Variants in CTNND2 observed in about 807,000 individuals in gnomAD.
CTNND2 encodes catenin delta 2, also known as catenin delta-2.
Under a neutral mutation model 144.4 loss-of-function variants are expected in CTNND2, and 22 were observed. The observed-to-expected ratio is 0.15, with a 90% CI of 0.11 to 0.22. The LOEUF is 0.22. Ranked by LOEUF, CTNND2 falls within the 10% of genes least tolerant of loss-of-function variation. The pLI, the probability that CTNND2 is intolerant of heterozygous loss-of-function variation, is 1.00. For synonymous variants in CTNND2, 751 were observed against 695.6 expected (o/e 1.08, Z -1.25); for missense variants, 1,353 against 1,618.8 (o/e 0.84, Z 2.82).
At chr5:11,551,069 C>T (rs762317152) in intron 3 of CTNND2, among the ~76,000 whole-genome samples, 2 of 152,268 alleles carry the variant, frequency 1.3e-5, no homozygotes, top group Non-Finnish European at 2.9e-5. Context: ...AGCAGCCTCC[C>T]TGGGCTTCCA....
intron 8 of CTNND2, among the ~76,000 whole-genome samples, chr5:11,349,082 C>T (rs1755083118): frequency 6.6e-6 from 1 of 152,076 alleles, no homozygotes; most frequent in African/African-American, 2.4e-5. Context: ...ACCGAGCTCT[C>T]CAAGCTCCAG....
At chr5:11,131,312 A>C (rs1017373677) in intron 12 of CTNND2, among the ~76,000 whole-genome samples, 4 of 152,318 alleles carry the variant, frequency 2.6e-5, no homozygotes, top group African/African-American at 9.6e-5. Flanking sequence ...AATAATGAGC[A>C]ATACCAATGT....
At chr5:11,110,531 A>G (rs1481230047) in intron 14 of CTNND2, among the ~76,000 whole-genome samples, 4 of 152,174 alleles carry the variant, frequency 2.6e-5, no homozygotes, top group Non-Finnish European at 1.5e-5. Flanking sequence ...GGATGGCATC[A>G]AATCCAGCTC....
intron 2 of CTNND2, among the ~76,000 whole-genome samples, chr5:11,567,559 G>A (rs933463525): frequency 2.6e-5 from 4 of 151,590 alleles, no homozygotes; most frequent in South Asian, 2.1e-4. Flanking sequence ...TGTTTAATTT[G>A]GGTAGTTTCT....
rs142866396 is a variant in CTNND2, at chr5:10,992,572, C to T, written c.3190G>A (p.Val1064Met). ...SRTPSISPVR[V>M]SPNNRSASAP... Reference sequence around the variant, plus strand: ...TTACCTGAGCGGTTGTTGGGAGACACGCGCACAGGGGAGATGGAGGGCGTG... The same window carrying T: ...TTACCTGAGCGGTTGTTGGGAGACATGCGCACAGGGGAGATGGAGGGCGTG... Residue 1064 changes from valine (V) to methionine (M), a missense_variant, in exon 19 of 22, where the codon GTG (valine) becomes ATG (methionine). Val to Met is a conservative substitution (Grantham distance 21, BLOSUM62 1). Around this residue, in one of 4 missense-constraint regions of CTNND2, gnomAD observed 459 missense variants for 674.3 expected, o/e 0.68. Coordinates refer to ENST00000304623, the MANE Select transcript of CTNND2 (RefSeq NM_001332.4). 83 of 1,614,020 alleles carry T rather than the reference C, an allele frequency of 5.1e-5. No individual in the cohort carries two copies. In the East Asian group the frequency reaches 1.7e-3, roughly 33 times the overall value.
chr5:11,763,067 G>T (rs1030666633), intron 1 of CTNND2, among the ~76,000 whole-genome samples: 1 of 152,060 alleles, frequency 6.6e-6, no homozygotes, highest in Non-Finnish European at 1.5e-5. Flanking sequence ...GTTCTCATGA[G>T]ACCTGGTTGT....
rs1561136061 is a variant in CTNND2, at chr5:10,992,575, G to A, written c.3187C>T (p.Arg1063Cys). 1 of 1,614,060 alleles carries A rather than the reference G, an allele frequency of 6.2e-7. No individual in the cohort carries two copies. The highest frequency in any genetic ancestry group is 8.5e-7 in the Non-Finnish European group (1 of 1,180,020). The change falls in exon 19 of 22, where the codon CGC (arginine) becomes TGC (cysteine). Residue 1063 changes from arginine (R) to cysteine (C), a missense_variant. Physicochemically the swap from Arg to Cys is radical, Grantham distance 180. Coordinates refer to ENST00000304623, the MANE Select transcript of CTNND2 (RefSeq NM_001332.4). ...CCTGAGCGGTTGTTGGGAGACACGC[G>A]CACAGGGGAGATGGAGGGCGTGCGG... ...SSRTPSISPV[R>C]VSPNNRSASA... is the part of the protein sequence containing the mutation.
chr5:11,207,480 C>A (rs1738172449), intron 10 of CTNND2, among the ~76,000 whole-genome samples: 1 of 151,816 alleles, frequency 6.6e-6, no homozygotes, highest in African/African-American at 2.4e-5. Flanking sequence ...AACAAATATT[C>A]ACTGTCTATA....
chr5:11,037,316 G>A (rs548907185), intron 16 of CTNND2, among the ~76,000 whole-genome samples: 1 of 152,108 alleles, frequency 6.6e-6, no homozygotes. Flanking sequence ...TTTGTCACAC[G>A]ATCCTAAATA....
intron 7 of CTNND2, among the ~76,000 whole-genome samples, chr5:11,371,984 T>C (rs1373918811): frequency 2.0e-5 from 3 of 152,188 alleles, no homozygotes; most frequent in Non-Finnish European, 4.4e-5. Flanking sequence ...TTCATAAATG[T>C]TAGATTTTCT....
At chr5:11,323,478 T>C (rs1431682056) in intron 9 of CTNND2, among the ~76,000 whole-genome samples, 1 of 152,126 alleles carries the variant, frequency 6.6e-6, no homozygotes, top group Non-Finnish European at 1.5e-5. Context: ...GAGCAAGTCA[T>C]TGGGGTCTTA....
chr5:11,241,268 T>G (rs987035896), intron 9 of CTNND2, among the ~76,000 whole-genome samples: 1 of 152,200 alleles, frequency 6.6e-6, no homozygotes, highest in Admixed American at 6.5e-5. Context: ...GATTCTCCAG[T>G]GGCTTCCCAC....
intron 3 of CTNND2, among the ~76,000 whole-genome samples, chr5:11,531,488 T>C (rs1479579325): frequency 2.0e-5 from 3 of 152,088 alleles, no homozygotes; most frequent in Non-Finnish European, 4.4e-5. Flanking sequence ...TACCCGTGCA[T>C]GGTGGCAGGC....
intron 2 of CTNND2, among the ~76,000 whole-genome samples, chr5:11,650,911 T>A (rs915921769): frequency 6.6e-6 from 1 of 152,052 alleles, no homozygotes; most frequent in Non-Finnish European, 1.5e-5. Context: ...GAGAGCAGAG[T>A]AAAAAAGTTC....
intron 2 of CTNND2, among the ~76,000 whole-genome samples, chr5:11,593,343 T>C (rs574508756): frequency 6.6e-6 from 1 of 152,308 alleles, no homozygotes; most frequent in East Asian, 1.9e-4. Flanking sequence ...TGAAATGCAA[T>C]GTAATATGAC....
In CTNND2 at chr5:11,111,038, A is replaced by T. The variant is rs1752914842; in HGVS notation, c.2283T>A (p.Val761=). 6.2e-7 allele frequency: 1 copy of T among 1,612,750 alleles called. No individual in the cohort carries two copies. The highest frequency in any genetic ancestry group is 2.2e-5 in the East Asian group (1 of 44,812). The change falls in exon 14 of 22, where the codon GTT becomes GTA. Residue 761 remains valine (V), a synonymous_variant. Transcript: ENST00000304623. ...LGSSEIDSKT[V]ENCVCILRNL... Reference sequence around the variant, plus strand: ...TCCTTAAAATGCACACACAGTTTTCAACGGTCTGCAGAAAAGGGGGAAACA... The same window carrying T: ...TCCTTAAAATGCACACACAGTTTTCTACGGTCTGCAGAAAAGGGGGAAACA...
At chr5:11,573,052 G>A (rs1056621245) in intron 2 of CTNND2, among the ~76,000 whole-genome samples, 14 of 152,040 alleles carry the variant, frequency 9.2e-5, no homozygotes, top group Non-Finnish European at 1.6e-4. Flanking sequence ...TCCCACTCTG[G>A]GTTAGACTGC....
intron 1 of CTNND2, among the ~76,000 whole-genome samples, chr5:11,800,986 A>G (rs1451209437): frequency 2.0e-5 from 3 of 152,182 alleles, no homozygotes; most frequent in Non-Finnish European, 4.4e-5. Context: ...GTTTTTCAAG[A>G]GGGTGTTCTT....
intron 3 of CTNND2, among the ~76,000 whole-genome samples, chr5:11,498,813 A>C (rs1020974654): frequency 1.3e-5 from 2 of 152,220 alleles, no homozygotes; most frequent in Middle Eastern, 3.2e-3. Flanking sequence ...GGTTTTCTAC[A>C]TAGACTCTGG....
Sources: allele counts gnomAD v4.1 joint callset (sites outside exome capture counted in the v4.1 genomes callset), GRCh38; gene constraint gnomAD v4.1.1; regional missense constraint gnomAD v4.1.1; transcripts MANE v1.5; gene names NCBI Gene and HGNC (gene_info 2026-07-23, HGNC 2026-07-21).